Variants in APPL2 observed in about 807,000 individuals in gnomAD.
APPL2 encodes DCC-interacting protein 13-beta.
A neutral mutation model predicts 92.7 loss-of-function variants in APPL2; 84 were observed. The observed-to-expected ratio is 0.91, with a 90% confidence interval of 0.76 to 1.09. APPL2 has a LOEUF of 1.09. Ranked by LOEUF, APPL2 falls within the 50% of genes least tolerant of loss-of-function variation. The probability of loss-of-function intolerance (pLI) is 0.00; values close to 1 mark genes in which losing one functional copy is unlikely to be tolerated. For missense variants in APPL2, 736 were observed against 824.5 expected, an observed-to-expected ratio of 0.89 and a Z score of 1.31; for synonymous variants, 291 against 291.0, an observed-to-expected ratio of 1.00 and a Z score of 0.00.
At chr12:105,206,507 A>G (rs748174721) in intron 8 of APPL2, among the ~76,000 whole-genome samples, 51 of 152,358 alleles carry the variant, frequency 3.3e-4, no homozygotes, top group African/African-American at 1.2e-3. Flanking sequence ...TCCTCAAAGT[A>G]GAGCCTCTCT....
At chr12:105,209,029 A>C (rs1445718023) in intron 5 of APPL2, among the ~76,000 whole-genome samples, 1 of 152,188 alleles carries the variant, frequency 6.6e-6, no homozygotes, top group African/African-American at 2.4e-5. Context: ...CTCTTTTGGT[A>C]TCAGGCTACT....
At chr12:105,210,172 G>A (rs1459573046) in intron 5 of APPL2, among the ~76,000 whole-genome samples, 1 of 152,132 alleles carries the variant, frequency 6.6e-6, no homozygotes, top group Admixed American at 6.5e-5. Context: ...GTGTTAGCCA[G>A]GATGGTCTCG....
intron 17 of APPL2, among the ~76,000 whole-genome samples, chr12:105,178,099 A>G (rs1287675396): frequency 1.3e-5 from 2 of 152,160 alleles, no homozygotes; most frequent in African/African-American, 4.8e-5. Flanking sequence ...CCTTCAGAAT[A>G]TATTTCTTCA....
intron 20 of APPL2, among the ~76,000 whole-genome samples, 168 bp from the exon 21 acceptor site, chr12:105,174,616 T>A (rs1885311373): frequency 6.6e-6 from 1 of 152,222 alleles, no homozygotes; most frequent in African/African-American, 2.4e-5. Flanking sequence ...GGCATGTCAC[T>A]TCTAGAATCT....
Position 105,189,715 on chromosome 12 carries a change from A to C in APPL2, c.1459+57T>G, listed in dbSNP as rs1000547390. ...AAACATGATTTCACATCTTATTTCA[A>C]TGGCCGTTGTCATTTTGTGCAGAGG... On this transcript the variant is annotated intron_variant, in intron 16 of 20. Transcript: ENST00000258530. The C allele has an allele frequency of 1.5e-5, 23 of 1,526,304 alleles. No individual in the cohort carries two copies. The African/African-American group carries it at 2.5e-4, about 16-fold the overall frequency. The allele number at this position is 1,526,304 out of a possible 1,614,324, so 94.5% of individuals were successfully genotyped here. A position where few individuals can be genotyped will look rare whatever the true frequency, so the allele number is the denominator to read the frequency against.
Position 105,188,329 on chromosome 12 carries a change from A to C in APPL2, c.1578T>G (p.Ile526Met). Residue 526 changes from isoleucine to methionine, a missense_variant, in exon 17 of 21, where the codon ATT (isoleucine) becomes ATG (methionine). Coordinates refer to ENST00000258530, the MANE Select transcript of APPL2 (RefSeq NM_018171.5). Reference protein sequence around the residue: ...AMRQVLAARAIHNIFRMTESH... With the variant: ...AMRQVLAARAMHNIFRMTESH... ...ATTCTGTCATGCGGAAGATGTTATGAATAGCCCGAGCAGCCAATACTTGTC... is the reference window on the plus strand; with the variant it reads ...ATTCTGTCATGCGGAAGATGTTATGCATAGCCCGAGCAGCCAATACTTGTC... The C allele has an allele frequency of 1.2e-6, 2 of 1,614,248 alleles. No homozygotes were observed. The highest frequency in any genetic ancestry group is 1.7e-6 in the Non-Finnish European group (2 of 1,180,036).
chr12:105,181,457 G>A (rs1241439944), intron 17 of APPL2, among the ~76,000 whole-genome samples: 1 of 152,144 alleles, frequency 6.6e-6, no homozygotes, highest in East Asian at 1.9e-4. Flanking sequence ...TTTGGTATCA[G>A]GATGATGCTG....
In APPL2 at chr12:105,211,216, C is replaced by A; in HGVS notation, c.373+14G>T. 3 of 1,566,272 alleles carry A rather than the reference C, an allele frequency of 1.9e-6. No homozygotes were observed. The highest frequency in any genetic ancestry group is 1.8e-6 in the Non-Finnish European group (2 of 1,137,332). On this transcript the variant is annotated intron_variant, in intron 5 of 20. Coordinates refer to ENST00000258530, the MANE Select transcript of APPL2 (RefSeq NM_018171.5). ...TATTTTGAAGGTAACTGGCATTGAACTCAGTTACTTTACCTGTGAGATCCT... is the reference window on the plus strand; with the variant it reads ...TATTTTGAAGGTAACTGGCATTGAAATCAGTTACTTTACCTGTGAGATCCT...
chr12:105,213,733 G>T (rs1889408056), intron 4 of APPL2, among the ~76,000 whole-genome samples: 1 of 152,088 alleles, frequency 6.6e-6, no homozygotes, highest in Admixed American at 6.5e-5. Context: ...TTTTCAACCT[G>T]GTTTAGGCCC....
intron 5 of APPL2, 72 bp from the exon 6 acceptor site, chr12:105,208,271 C>T: frequency 6.4e-7 from 1 of 1,563,330 alleles, no homozygotes; most frequent in Non-Finnish European, 8.8e-7. Context: ...TCTGCACTTT[C>T]CCCTGAAAAT....
At chr12:105,206,867 A>G in intron 8 of APPL2, 194 bp downstream of exon 8, 1 of 618,056 alleles carries the variant, frequency 1.6e-6, no homozygotes, top group Non-Finnish European at 2.7e-6. Flanking sequence ...GCCTAACTTG[A>G]GGCCAATGCA....
chr12:105,198,078 A>G (rs1208531744), intron 10 of APPL2, 125 bp from the exon 11 acceptor site: 2 of 914,990 alleles, frequency 2.2e-6, no homozygotes, highest in Admixed American at 2.9e-5. Flanking sequence ...ATATCGTTAA[A>G]GCAAAACTGC....
chr12:105,185,375 G>T (rs1291867972), intron 17 of APPL2, among the ~76,000 whole-genome samples: 1 of 152,168 alleles, frequency 6.6e-6, no homozygotes, highest in African/African-American at 2.4e-5. Flanking sequence ...TGAAACTTAG[G>T]GCCCTGGTGG....
intron 2 of APPL2, among the ~76,000 whole-genome samples, chr12:105,221,830 G>C (rs1199261236): frequency 6.6e-6 from 1 of 152,218 alleles, no homozygotes; most frequent in African/African-American, 2.4e-5. Context: ...TGGCTAGCAA[G>C]CCTGAAAGGA....
chr12:105,214,508 C>T (rs950542745), intron 4 of APPL2, among the ~76,000 whole-genome samples: 6 of 152,238 alleles, frequency 3.9e-5, no homozygotes, highest in African/African-American at 1.4e-4. Context: ...TTATCCATTT[C>T]AACACATCTG....
In APPL2 at chr12:105,174,094, A is replaced by G. The variant is rs939816115; in HGVS notation, c.*220T>C. ...TAGCGCAATCTAAGAAAAAAGACTT[A>G]CCACAAAGCACCTAAAATAACATTG... On this transcript the variant is annotated 3_prime_UTR_variant, in exon 21 of 21. Transcript: ENST00000258530. 5 of 463,358 alleles carry G rather than the reference A, an allele frequency of 1.1e-5. No homozygotes were observed. The highest frequency in any genetic ancestry group is 1.8e-5 in the Non-Finnish European group (5 of 276,932). The allele number at this position is 463,358 out of a possible 1,614,324, so 28.7% of individuals were successfully genotyped here. A position where few individuals can be genotyped will look rare whatever the true frequency, so the allele number is the denominator to read the frequency against.
chr12:105,182,105 A>G (rs1170957836), intron 17 of APPL2, among the ~76,000 whole-genome samples: 1 of 151,950 alleles, frequency 6.6e-6, no homozygotes, highest in Non-Finnish European at 1.5e-5. Flanking sequence ...GCTCACTGCA[A>G]CCTCCACCTC....
intron 17 of APPL2, among the ~76,000 whole-genome samples, chr12:105,180,775 G>A (rs1886038646): frequency 2.6e-5 from 4 of 152,148 alleles, no homozygotes; most frequent in Admixed American, 1.3e-4. Flanking sequence ...TGTATTATTG[G>A]TGTATAGGAA....
At chr12:105,219,446 A>G (rs1301065526) in intron 2 of APPL2, among the ~76,000 whole-genome samples, 1 of 152,210 alleles carries the variant, frequency 6.6e-6, no homozygotes, top group Non-Finnish European at 1.5e-5. Context: ...ACTTCTAGCC[A>G]CATAGTCAGG....
Sources: allele counts gnomAD v4.1 joint callset (sites outside exome capture counted in the v4.1 genomes callset), GRCh38; gene constraint gnomAD v4.1.1; transcripts MANE v1.5; gene names NCBI Gene and HGNC (gene_info 2026-07-23, HGNC 2026-07-21).